RAB3IP: variants seen among roughly 807,000 people sequenced by gnomAD.
The protein encoded by RAB3IP is RAB3A interacting protein.
Under a neutral mutation model 59.1 loss-of-function variants are expected in RAB3IP, and 36 were observed. The ratio of observed to expected loss-of-function variants is 0.61; its 90% CI spans 0.47 to 0.80. The LOEUF is 0.80. RAB3IP is among the 30% of genes least tolerant of loss of function. RAB3IP has a pLI of 0.00. For synonymous variants in RAB3IP, 207 were observed against 191.2 expected (o/e 1.08, Z -0.68); for missense variants, 511 against 536.0 (o/e 0.95, Z 0.46).
chr12:69,791,334 G>C (rs1489775078), intron 4 of RAB3IP, among the ~76,000 whole-genome samples: 1 of 152,124 alleles, frequency 6.6e-6, no homozygotes, highest in Non-Finnish European at 1.5e-5. Context: ...ATGGACAAGT[G>C]GGAGTACATC....
At chr12:69,767,448 A>G (rs1304845411) in intron 3 of RAB3IP, among the ~76,000 whole-genome samples, 1 of 152,206 alleles carries the variant, frequency 6.6e-6, no homozygotes, top group Non-Finnish European at 1.5e-5. Flanking sequence ...ATTGGTGAGA[A>G]CGACTGGGCA....
intron 4 of RAB3IP, among the ~76,000 whole-genome samples, chr12:69,793,463 A>G (rs957309988): frequency 1.3e-5 from 2 of 152,122 alleles, no homozygotes; most frequent in Admixed American, 6.6e-5. Context: ...TTTGAAGCTC[A>G]TTTCCTTCCT....
chr12:69,749,769 G>A (rs570566626), intron 1 of RAB3IP, among the ~76,000 whole-genome samples: 2 of 152,206 alleles, frequency 1.3e-5, no homozygotes, highest in South Asian at 2.1e-4. Context: ...TGTCCTTCCC[G>A]TGTGGTCTCT....
Position 69,815,411 on chromosome 12 carries a change from T to C in RAB3IP, c.1348T>C (p.Leu450=), listed in dbSNP as rs764029472. Residue 450 remains leucine, a synonymous_variant, in exon 11 of 11, where the codon TTG becomes CTG. Coordinates refer to ENST00000247833, the MANE Select transcript of RAB3IP (RefSeq NM_022456.5). ...EVMQLRKEMS[L]AKLGYFKEEL ...TATGCAGTTGAGAAAAGAGATGTCA[T>C]TGGCAAAGCTGGGTTATTTCAAAGA... 4.3e-6 allele frequency: 7 copies of C among 1,613,062 alleles called. No individual in the cohort carries two copies. In the Admixed American group the frequency reaches 1.0e-4, roughly 23 times the overall value.
chr12:69,815,574 A>G lies in RAB3IP; in HGVS notation c.*128A>G. On this transcript the variant is annotated 3_prime_UTR_variant, in exon 11 of 11. Transcript: ENST00000247833. ...TTTTTCCCCTTTTGCAAATTGCTCT[A>G]AGAAGTACCATGATTTCTTTTAAAC... is the stretch of plus-strand genomic sequence containing the variant. 1 of 627,218 alleles carries G rather than the reference A, an allele frequency of 1.6e-6. No individual in the cohort carries two copies. The highest frequency in any genetic ancestry group is 2.8e-6 in the Non-Finnish European group (1 of 357,334). The allele number at this position is 627,218 out of a possible 1,614,324, so 38.9% of individuals were successfully genotyped here. A position where few individuals can be genotyped will look rare whatever the true frequency, so the allele number is the denominator to read the frequency against.
At chr12:69,768,848 G>T (rs887411371) in intron 3 of RAB3IP, among the ~76,000 whole-genome samples, 1 of 152,078 alleles carries the variant, frequency 6.6e-6, no homozygotes, top group African/African-American at 2.4e-5. Context: ...AGACTAAAAT[G>T]CATGAATGGC....
At chr12:69,773,397 T>G (rs77067111) in intron 3 of RAB3IP, among the ~76,000 whole-genome samples, 5 of 116,470 alleles carry the variant, frequency 4.3e-5, no homozygotes, top group Admixed American at 9.4e-5. Flanking sequence ...CCATTTGTCT[T>G]TCTTTTTTTT....
At chr12:69,740,540 C>G (rs1232121139) in intron 1 of RAB3IP, among the ~76,000 whole-genome samples, 1 of 152,204 alleles carries the variant, frequency 6.6e-6, no homozygotes, top group East Asian at 1.9e-4. Context: ...TTTGATACAA[C>G]TCTTCCTTCT....
intron 3 of RAB3IP, among the ~76,000 whole-genome samples, chr12:69,768,909 G>A (rs958869266): frequency 6.6e-6 from 1 of 152,062 alleles, no homozygotes; most frequent in African/African-American, 2.4e-5. Flanking sequence ...ACCCTGATAG[G>A]GTTTGGCTGT....
In RAB3IP at chr12:69,761,054, T is replaced by C. The variant is rs1267136652; in HGVS notation, c.510+4391T>C. Reference sequence around the variant, plus strand: ...ATGTACATTAGACTGCTTAAACTTATCTCACAGCTTGCTGGTGTTACAGTC... The same window carrying C: ...ATGTACATTAGACTGCTTAAACTTACCTCACAGCTTGCTGGTGTTACAGTC... On this transcript the variant is annotated intron_variant, in intron 3 of 10. Coordinates refer to ENST00000247833, the MANE Select transcript of RAB3IP (RefSeq NM_022456.5). Among the ~76,000 whole-genome samples the C allele has an allele frequency of 3.3e-5, 5 of 152,232 alleles. No homozygotes were observed. In the East Asian group the frequency reaches 5.8e-4, roughly 18 times the overall value.
intron 8 of RAB3IP, among the ~76,000 whole-genome samples, chr12:69,803,850 A>G (rs1878791742): frequency 6.6e-6 from 1 of 152,218 alleles, no homozygotes; most frequent in South Asian, 2.1e-4. Flanking sequence ...ATGGCTACAT[A>G]GTATTCCATG....
In RAB3IP at chr12:69,823,115, T is replaced by C. The variant is rs1426641842; in HGVS notation, c.*7669T>C. The C allele has an allele frequency of 6.6e-6, 1 of 152,174 alleles. No individual in the cohort carries two copies. The highest frequency in any genetic ancestry group is 2.1e-4 in the South Asian group (1 of 4,828). 9.4% of individuals were successfully genotyped at this position (152,174 alleles called of 1,614,324 possible). ...CCTGATCTGATCACTACACATTATATGTATGGAAATATCATTGTGTACCCC... is the reference window on the plus strand; with the variant it reads ...CCTGATCTGATCACTACACATTATACGTATGGAAATATCATTGTGTACCCC... On this transcript the variant is annotated 3_prime_UTR_variant, in exon 11 of 11. Coordinates refer to ENST00000247833, the MANE Select transcript of RAB3IP (RefSeq NM_022456.5).
chr12:69,795,088 C>A lies in RAB3IP; in HGVS notation c.685-53C>A, dbSNP rs975502183. The A allele has an allele frequency of 3.1e-6, 4 of 1,310,236 alleles. No homozygotes were observed. The African/African-American group carries it at 4.4e-5, about 14-fold the overall frequency. 81.2% of individuals were successfully genotyped at this position (1,310,236 alleles called of 1,614,324 possible). A position where few individuals can be genotyped will look rare whatever the true frequency, so the allele number is the denominator to read the frequency against. Reference sequence around the variant, plus strand: ...TGACCAGATTGCTAATATTTAGCTGCATATGTCATGAAACGTATTTAATGT... The same window carrying A: ...TGACCAGATTGCTAATATTTAGCTGAATATGTCATGAAACGTATTTAATGT... On this transcript the variant is annotated intron_variant, in intron 5 of 10. Coordinates refer to ENST00000247833, the MANE Select transcript of RAB3IP (RefSeq NM_022456.5).
At position 69,794,339 on chromosome 12, in the gene RAB3IP, T is replaced by A. The variant is rs1486499460; in HGVS notation, c.607-98T>A. On this transcript the variant is annotated intron_variant, in intron 4 of 10. Coordinates refer to ENST00000247833, the MANE Select transcript of RAB3IP (RefSeq NM_022456.5). Reference sequence around the variant, plus strand: ...GAATACTTAACTTCAGGCTAACTTTTGGTAGTATATCTTTGCTTCAATTGT... The same window carrying A: ...GAATACTTAACTTCAGGCTAACTTTAGGTAGTATATCTTTGCTTCAATTGT... The A allele has an allele frequency of 1.4e-5, 13 of 903,204 alleles. No homozygotes were observed. The Admixed American group carries it at 2.0e-4, about 14-fold the overall frequency. 55.9% of individuals were successfully genotyped at this position (903,204 alleles called of 1,614,324 possible).
rs149449023 is a variant in RAB3IP at position 69,780,814 on chromosome 12, T to G, written c.511-3906T>G. On this transcript the variant is annotated intron_variant, in intron 3 of 10. Coordinates refer to ENST00000247833, the MANE Select transcript of RAB3IP (RefSeq NM_022456.5). ...TGCTTGATTCCTCCTAAATCTTTTT[T>G]TTTTTTAATTAGTATTTTGGAAGGT... Among the ~76,000 whole-genome samples, 62 of 152,348 alleles carry G rather than the reference T, an allele frequency of 4.1e-4. No homozygotes were observed. The East Asian group carries it at 0.011, about 27-fold the overall frequency.
chr12:69,764,518 C>T (rs555276708), intron 3 of RAB3IP, among the ~76,000 whole-genome samples: 1 of 152,224 alleles, frequency 6.6e-6, no homozygotes, highest in Non-Finnish European at 1.5e-5. Context: ...TGTTTTTGTA[C>T]CAGCACCATG....
In RAB3IP at chr12:69,796,497, A is replaced by G. The variant is rs143104964; in HGVS notation, c.888+1153A>G. 674 of 436,806 alleles carry G rather than the reference A, an allele frequency of 1.5e-3. 6 individuals carry two copies. The highest frequency in any genetic ancestry group is 0.015 in the Admixed American group (354 of 23,442). The allele number at this position is 436,806 out of a possible 1,614,324, so 27.1% of individuals were successfully genotyped here. A position where few individuals can be genotyped will look rare whatever the true frequency, so the allele number is the denominator to read the frequency against. On this transcript the variant is annotated intron_variant, in intron 6 of 10. Transcript: ENST00000247833. ...CTTAGAAGCCATCTTTTACATTGTT[A>G]AATTCAAGTCCATCATTAATCTTGA...
At chr12:69,739,743 A>G (rs1887095149) in intron 1 of RAB3IP, 20 of 1,196,160 alleles carry the variant, frequency 1.7e-5, no homozygotes, top group South Asian at 1.2e-4. Flanking sequence ...CTGCCCTCCC[A>G]GCGTTGACAA....
At chr12:69,787,657 T>C (rs1227371382) in intron 4 of RAB3IP, among the ~76,000 whole-genome samples, 2 of 152,158 alleles carry the variant, frequency 1.3e-5, no homozygotes, top group Admixed American at 1.3e-4. Context: ...GTTAAGTCTT[T>C]TGATGCTACC....
Sources: allele counts gnomAD v4.1 joint callset (sites outside exome capture counted in the v4.1 genomes callset), GRCh38; gene constraint gnomAD v4.1.1; transcripts MANE v1.5; gene names NCBI Gene and HGNC (gene_info 2026-07-23, HGNC 2026-07-21).